The following CCNB3 variants were observed in gnomAD, a reference collection of about 807,000 sequenced individuals.
The protein encoded by CCNB3 is cyclin B3.
Under a neutral mutation model 68.0 loss-of-function variants are expected in CCNB3, and 12 were observed. That is an observed-to-expected ratio of 0.18 (90% CI 0.11 to 0.29). CCNB3 has a LOEUF of 0.29. Ranked by LOEUF, CCNB3 falls within the 10% of genes least tolerant of loss-of-function variation. CCNB3 has a pLI of 1.00. For synonymous variants in CCNB3, 354 were observed against 388.9 expected (o/e 0.91, Z 1.06); for missense variants, 904 against 993.1 (o/e 0.91, Z 1.21).
Position 50,309,944 on chromosome X carries a change from A to G in CCNB3, c.1775A>G (p.Lys592Arg). ...ACATCGTTGTCTTTACAGGAAAAGA[A>G]AATTACTCAGGGGAAGATGTCCCAC... Reference protein sequence around the residue: ...TKTSLSLQEKKITQGKMSHLK... With the variant: ...TKTSLSLQEKRITQGKMSHLK... The change falls in exon 6 of 13, where the codon AAA becomes AGA. Residue 592 changes from lysine to arginine, a missense_variant. By Grantham distance (26) the Lys-to-Arg change is conservative. Transcript: ENST00000376042. 5.0e-6 allele frequency: 6 copies of G among 1,210,340 alleles called. No individual in the cohort carries two copies. The highest frequency in any genetic ancestry group is 6.7e-6 in the Non-Finnish European group (6 of 894,435).
At chrX:50,227,638 T>C (rs1453875961) in intron 1 of CCNB3, among the ~76,000 whole-genome samples, 1 of 78,740 alleles carries the variant, frequency 1.3e-5, no homozygotes, top group Non-Finnish European at 2.4e-5. Context: ...AGAATACATA[T>C]ATATAGAGAG....
intron 4 of CCNB3, among the ~76,000 whole-genome samples, chrX:50,289,906 C>G (rs1008224304): frequency 8.9e-6 from 1 of 111,883 alleles, no homozygotes; most frequent in Admixed American, 9.5e-5. Flanking sequence ...TTCTGTATGG[C>G]CACCTTTCTG....
At chrX:50,325,122 T>C (rs1291624346) in intron 8 of CCNB3, among the ~76,000 whole-genome samples, 1 of 111,467 alleles carries the variant, frequency 9.0e-6, no homozygotes, top group Non-Finnish European at 1.9e-5. Context: ...AATAATTATA[T>C]AATTTATATG....
At chrX:50,303,667 A>G (rs797033702) in intron 5 of CCNB3, among the ~76,000 whole-genome samples, 2 of 110,637 alleles carry the variant, frequency 1.8e-5, no homozygotes, top group South Asian at 7.6e-4. Flanking sequence ...ATTGACATAT[A>G]ATAATCGTAA....
At chrX:50,315,559 T>G (rs1162693065) in intron 8 of CCNB3, among the ~76,000 whole-genome samples, 1 of 111,887 alleles carries the variant, frequency 8.9e-6, no homozygotes, top group African/African-American at 3.2e-5. Context: ...AAATGGACTT[T>G]GTTATAATCC....
At chrX:50,347,576 G>C (rs923239524) in intron 10 of CCNB3, 50 bp from the exon 11 acceptor site, 3 of 1,160,585 alleles carry the variant, frequency 2.6e-6, no homozygotes, top group Non-Finnish European at 3.5e-6. Flanking sequence ...CCTCTGCTTG[G>C]TGCCAGTTTT....
chrX:50,289,021 A>G (rs1936298297), intron 4 of CCNB3, 134 bp downstream of exon 4: 1 of 426,127 alleles, frequency 2.3e-6, no homozygotes, highest in Non-Finnish European at 4.1e-6. Context: ...CCAATGACCC[A>G]GTTTCAGAAA....
intron 1 of CCNB3, among the ~76,000 whole-genome samples, chrX:50,227,162 AAT>A (rs1411668358): frequency 2.3e-4 from 19 of 82,072 alleles, no homozygotes; most frequent in Admixed American, 1.2e-3. Flanking sequence ...ATATATGTAG[AAT>A]ATATATATAG....
intron 1 of CCNB3, among the ~76,000 whole-genome samples, chrX:50,227,729 T>G (rs1248494205): frequency 6.7e-4 from 3 of 4,465 alleles, no homozygotes; most frequent in African/African-American, 1.8e-3. Context: ...TATAGAGAGA[T>G]AATATATATA....
intron 6 of CCNB3, 74 bp downstream of exon 6, chrX:50,311,570 GT>G (rs372148761): frequency 0.042 from 21,764 of 521,741 alleles, 9 homozygotes; most frequent in East Asian, 0.076. Context: ...TAGCAAAGTT[GT>G]TTTTTTTTTT....
At chrX:50,343,089 CAGA>C (rs1223979097) in intron 9 of CCNB3, among the ~76,000 whole-genome samples, 5 of 111,230 alleles carry the variant, frequency 4.5e-5, no homozygotes, top group Non-Finnish European at 9.4e-5. Context: ...GGAGGTTTTC[CAGA>C]AGAAGGCATT....
At chrX:50,285,327 C>G (rs183019842) in intron 3 of CCNB3, 68 bp downstream of exon 3, 567 of 821,633 alleles carry the variant, frequency 6.9e-4, no homozygotes, top group Admixed American at 1.7e-3. Flanking sequence ...CAGTACCTAT[C>G]CTCACCTGTG....
At chrX:50,318,337 C>A (rs1307794777) in intron 8 of CCNB3, among the ~76,000 whole-genome samples, 7 of 110,040 alleles carry the variant, frequency 6.4e-5, no homozygotes, top group Non-Finnish European at 9.5e-5. Context: ...CGTGGTGAAA[C>A]CTCCGTCTCT....
chrX:50,350,034 C>T (rs911165956), intron 11 of CCNB3, among the ~76,000 whole-genome samples: 2 of 110,931 alleles, frequency 1.8e-5, no homozygotes, highest in Admixed American at 1.9e-4. Context: ...GTGTCCTATG[C>T]TCACTTCCAT....
intron 5 of CCNB3, among the ~76,000 whole-genome samples, chrX:50,305,758 GT>G (rs1366314074): frequency 6.1e-5 from 6 of 97,717 alleles, no homozygotes; most frequent in Non-Finnish European, 8.1e-5. Flanking sequence ...ATTGATATGG[GT>G]TTTTTTTTCT....
rs201780141 is a variant in CCNB3, at chrX:50,308,689, A to G, written c.520A>G (p.Lys174Glu). 3.1e-5 allele frequency: 37 copies of G among 1,209,532 alleles called. No individual in the cohort carries two copies. The highest frequency in any genetic ancestry group is 4.1e-5 in the Non-Finnish European group (37 of 894,869). ...TATTGAGGATGAAACCCTTATCAAT[A>G]AGTCATTATCTTTAAAAAAGTGCTC... Reference protein sequence around the residue: ...PTIEDETLINKSLSLKKCSNH... With the variant: ...PTIEDETLINESLSLKKCSNH... Residue 174 changes from lysine to glutamate, a missense_variant, in exon 6 of 13, where the codon AAG becomes GAG. Lys to Glu is a moderately conservative substitution (Grantham distance 56). Around this residue, in one of 2 missense-constraint regions of CCNB3, gnomAD observed 619 missense variants for 609.8 expected, o/e 1.02. Coordinates refer to ENST00000376042, the MANE Select transcript of CCNB3 (RefSeq NM_033031.3).
intron 1 of CCNB3, among the ~76,000 whole-genome samples, chrX:50,228,856 C>CTAGAATATATATG (rs1265873204): frequency 1.9e-4 from 10 of 53,621 alleles, no homozygotes; most frequent in East Asian, 5.3e-4. Flanking sequence ...GAATATATAT[C>CTAGAATATATATG]TAGAATATAT....
intron 8 of CCNB3, among the ~76,000 whole-genome samples, chrX:50,330,192 G>A (rs1922525031): frequency 8.9e-6 from 1 of 111,912 alleles, no homozygotes. Flanking sequence ...GATTGAGCAA[G>A]CAGTGGGTAC....
chrX:50,334,246 C>G (rs1922739416), intron 8 of CCNB3, among the ~76,000 whole-genome samples: 1 of 112,402 alleles, frequency 8.9e-6, no homozygotes, highest in Admixed American at 9.4e-5. Flanking sequence ...AAGGTCAGGT[C>G]TGCTAGAATA....
Sources: allele counts gnomAD v4.1 joint callset (sites outside exome capture counted in the v4.1 genomes callset), GRCh38; gene constraint gnomAD v4.1.1; regional missense constraint gnomAD v4.1.1; transcripts MANE v1.5; gene names NCBI Gene and HGNC (gene_info 2026-07-23, HGNC 2026-07-21).